The following MGAM variants were observed in gnomAD, a reference collection of about 807,000 sequenced individuals.
MGAM encodes alpha-1,4-glucosidase.
MGAM carries 253 observed loss-of-function variants against 358.8 expected under a neutral mutation model. That is an observed-to-expected ratio of 0.71 (90% CI 0.64 to 0.78). The LOEUF is 0.78. MGAM is among the 30% of genes least tolerant of loss of function. The pLI is 0.00. For synonymous variants in MGAM, 1,105 were observed against 1,227.1 expected (o/e 0.90, Z 2.08); for missense variants, 3,080 against 3,432.6 (o/e 0.90, Z 2.57).
chr7:142,043,723 TA>T (rs1281017271), intron 21 of MGAM, among the ~76,000 whole-genome samples: 5 of 131,282 alleles, frequency 3.8e-5, no homozygotes, highest in African/African-American at 1.1e-4. Context: ...ATGTAATATG[TA>T]ATATATAATA....
Position 142,021,673 on chromosome 7 carries a change from C to A in MGAM, c.646C>A (p.Gln216Lys). Residue 216 changes from glutamine (Q) to lysine (K), a missense_variant, in exon 6 of 71, where the codon CAA (glutamine) becomes AAA (lysine). By Grantham distance (53) the Gln-to-Lys change is moderately conservative. Transcript: ENST00000475668. The stretch of plus-strand genomic sequence containing the variant: ...AAATGCTGCTGCTTCTTTGACCTAC[C>A]AAGTTGAAATCTCCAGACAGCCATT... ...SGNAAASLTY[Q>K]VEISRQPFSI... 6.2e-7 allele frequency: 1 copy of A among 1,613,924 alleles called. No individual in the cohort carries two copies. The highest frequency in any genetic ancestry group is 8.5e-7 in the Non-Finnish European group (1 of 1,179,830).
At chr7:142,032,979 C>A (rs1209873773) in intron 14 of MGAM, 70 bp downstream of exon 14, 4 of 1,032,464 alleles carry the variant, frequency 3.9e-6, no homozygotes, top group South Asian at 3.5e-5. Context: ...AAGGACAGAT[C>A]TGAAAAATCT....
At chr7:142,099,554 A>T (rs555766441) in intron 66 of MGAM, 59 bp from the exon 67 acceptor site, 5 of 1,612,176 alleles carry the variant, frequency 3.1e-6, no homozygotes, top group Non-Finnish European at 3.4e-6. Context: ...GGCAGGATGC[A>T]TTGTTCAGGG....
chr7:142,034,280 T>G lies in MGAM; in HGVS notation c.1688T>G (p.Leu563Arg). 2.5e-6 allele frequency: 4 copies of G among 1,594,912 alleles called. No homozygotes were observed. The highest frequency in any genetic ancestry group is 3.4e-6 in the Non-Finnish European group (4 of 1,170,234). The change falls in exon 15 of 71, where the codon CTG (leucine) becomes CGG (arginine). Residue 563 changes from leucine (L) to arginine (R), a missense_variant. This residue lies in a region of MGAM where 1,816 missense variants were observed against 1,840.5 expected (regional missense o/e 0.99). Coordinates refer to ENST00000475668, the MANE Select transcript of MGAM (RefSeq NM_001365693.1). ...PFTPRILDGY[L>R]FCKTLCMDAV... ...GTTTCAGGAATCCTGGATGGGTACC[T>G]GTTCTGCAAGACTCTCTGTATGGAT...
intron 12 of MGAM, 35 bp downstream of exon 12, chr7:142,030,792 G>A (rs1554463277): frequency 1.5e-6 from 2 of 1,358,088 alleles, no homozygotes; most frequent in Non-Finnish European, 2.1e-6. Context: ...CTGGTGGAGG[G>A]GCTGCATAGG....
chr7:142,053,227 A>C lies in MGAM; in HGVS notation c.3159+243A>C, dbSNP rs75495372. On this transcript the variant is annotated intron_variant, in intron 26 of 70. Coordinates refer to ENST00000475668, the MANE Select transcript of MGAM (RefSeq NM_001365693.1). Reference sequence around the variant, plus strand: ...AGAGCAAGAGTAGGTACGGAGAGACAACTTGGGAGGCTACCAGTTAGGCAG... The same window carrying C: ...AGAGCAAGAGTAGGTACGGAGAGACCACTTGGGAGGCTACCAGTTAGGCAG... 3.6e-3 allele frequency among the ~76,000 whole-genome samples: 547 copies of C among 152,238 alleles called. 2 individuals are homozygous for C. Among genetic ancestry groups the C allele is most frequent in the African/African-American group, 0.013 (520 of 41,552 alleles).
chr7:142,093,165 A>G (rs10282125), intron 59 of MGAM, among the ~76,000 whole-genome samples: 10,852 of 146,532 alleles, frequency 0.074, 1,447 homozygotes, highest in South Asian at 0.18. Flanking sequence ...AGCCTGTCAT[A>G]TAGTGTTTGA....
Position 142,073,810 on chromosome 7 carries a change from A to G in MGAM, c.5187-275A>G, listed in dbSNP as rs946933667. Among the ~76,000 whole-genome samples, 2 of 146,116 alleles carry G rather than the reference A, an allele frequency of 1.4e-5. 1 individual carries two copies. Among genetic ancestry groups the G allele is most frequent in the Non-Finnish European group, 3.1e-5 (2 of 64,536 alleles). On this transcript the variant is annotated intron_variant, in intron 44 of 70. Transcript: ENST00000475668. ...TCTGTATTCCGAACAGTGGTTGCAG[A>G]AGCAGCTTTTATTTGAGCTATTGCA...
intron 46 of MGAM, 26 bp from the exon 47 acceptor site, chr7:142,076,633 C>CATAATTGG: frequency 6.7e-7 from 1 of 1,488,086 alleles, no homozygotes. Flanking sequence ...TACCTTTATG[C>CATAATTGG]ATAATTGGAG....
chr7:142,083,270 C>T (rs753757931), intron 52 of MGAM, 31 bp from the exon 53 acceptor site: 2 of 1,479,450 alleles, frequency 1.4e-6, no homozygotes, highest in East Asian at 4.7e-5. Context: ...GGAAAGTTTC[C>T]AGCTTGATTA....
chr7:141,989,420 A>G (rs1803847203), intron 2 of MGAM, among the ~76,000 whole-genome samples: 1 of 152,184 alleles, frequency 6.6e-6, no homozygotes, highest in African/African-American at 2.4e-5. Flanking sequence ...ACTCATGATC[A>G]TCCCTGATTT....
Position 142,044,307 on chromosome 7 carries a change from TA to T in MGAM, c.2498+3463del, listed in dbSNP as rs1456993030. 2.9e-5 allele frequency among the ~76,000 whole-genome samples: 4 copies of T among 138,358 alleles called. 1 individual carries two copies. The highest frequency in any genetic ancestry group is 1.6e-4 in the Admixed American group (2 of 12,270). The allele number at this position is 138,358 out of a possible 152,430, so 90.8% of individuals were successfully genotyped here. A position where few individuals can be genotyped will look rare whatever the true frequency, so the allele number is the denominator to read the frequency against. ...TACGACATATAATATATACTATATA[TA>T]ATATACACATACGATATATAATATA... On this transcript the variant is annotated intron_variant, in intron 21 of 70. Transcript: ENST00000475668.
At position 142,034,292 on chromosome 7, in the gene MGAM, C is replaced by G; in HGVS notation, c.1700C>G (p.Thr567Ser). The G allele has an allele frequency of 6.3e-7, 1 of 1,598,914 alleles. No individual in the cohort carries two copies. Among genetic ancestry groups the G allele is most frequent in the Non-Finnish European group, 8.5e-7 (1 of 1,172,494 alleles). Reference protein sequence around the residue: ...RILDGYLFCKTLCMDAVQHWG... With the variant: ...RILDGYLFCKSLCMDAVQHWG... The stretch of plus-strand genomic sequence containing the variant: ...CTGGATGGGTACCTGTTCTGCAAGA[C>G]TCTCTGTATGGATGCAGTGCAGCAC... Residue 567 changes from threonine to serine, a missense_variant, in exon 15 of 71, where the codon ACT (threonine) becomes AGT (serine). Transcript: ENST00000475668.
At chr7:142,088,672 A>G (rs1335516598) in intron 57 of MGAM, among the ~76,000 whole-genome samples, 1 of 139,800 alleles carries the variant, frequency 7.2e-6, no homozygotes, top group Non-Finnish European at 1.6e-5. Flanking sequence ...CTATCTATCT[A>G]TCTATCTATC....
intron 65 of MGAM, among the ~76,000 whole-genome samples, chr7:142,096,914 G>C (rs1815964451): frequency 7.3e-6 from 1 of 137,736 alleles, no homozygotes; most frequent in African/African-American, 2.7e-5. Flanking sequence ...CCAGTTAATT[G>C]CACCTTCCCA....
chr7:142,021,730 C>T lies in MGAM; in HGVS notation c.703C>T (p.Arg235Cys), dbSNP rs375177765. 55 of 1,613,712 alleles carry T rather than the reference C, an allele frequency of 3.4e-5. No individual in the cohort carries two copies. Among genetic ancestry groups the T allele is most frequent in the Non-Finnish European group, 4.2e-5 (49 of 1,179,790 alleles). Residue 235 changes from arginine (R) to cysteine (C), a missense_variant, in exon 6 of 71, where the codon CGT (arginine) becomes TGT (cysteine). Physicochemically the swap from Arg to Cys is radical, Grantham distance 180. Coordinates refer to ENST00000475668, the MANE Select transcript of MGAM (RefSeq NM_001365693.1). ...SIKVTRRSNN[R>C]VLFDSSIGPL... Reference sequence around the variant, plus strand: ...CAAAGTGACCAGAAGAAGCAACAATCGTGTTTTGTAAGTTTTGGAAACCTA... The same window carrying T: ...CAAAGTGACCAGAAGAAGCAACAATTGTGTTTTGTAAGTTTTGGAAACCTA...
chr7:142,046,140 T>TTA (rs1036182269), intron 21 of MGAM, among the ~76,000 whole-genome samples: 3 of 145,422 alleles, frequency 2.1e-5, no homozygotes, highest in South Asian at 2.1e-4. Flanking sequence ...TATTTATATA[T>TTA]TATATATATA....
At chr7:142,065,958 G>GTTTTTTTTTTTTTTTTTTTTTTTTT (rs1477940566) in intron 40 of MGAM, 127 bp downstream of exon 40, 1 of 742,240 alleles carries the variant, frequency 1.3e-6, no homozygotes, top group African/African-American at 2.2e-5. Context: ...TTTTTGTTTT[G>GTTTTTTTTTTTTTTTTTTTTTTTTT]TTTTGTTTTG....
Position 142,068,934 on chromosome 7 carries a change from G to A in MGAM, c.5061+231G>A, listed in dbSNP as rs769730598. The stretch of plus-strand genomic sequence containing the variant: ...ACATAAAGCATCTCACTCAGGGTCT[G>A]TTTTTTTGTGGGTGTTCTCTTTGTG... On this transcript the variant is annotated intron_variant, in intron 43 of 70. Coordinates refer to ENST00000475668, the MANE Select transcript of MGAM (RefSeq NM_001365693.1). 4.1e-5 allele frequency among the ~76,000 whole-genome samples: 6 copies of A among 146,096 alleles called. 2 individuals carry two copies. Among genetic ancestry groups the A allele is most frequent in the Admixed American group, 2.8e-4 (4 of 14,522 alleles).
Sources: gnomAD v4.1 joint callset for allele counts (sites outside exome capture counted in the v4.1 genomes callset) on GRCh38, gnomAD v4.1.1 for gene constraint, gnomAD v4.1.1 regional missense constraint, MANE v1.5 for transcripts, NCBI Gene and HGNC (gene_info 2026-07-23, HGNC 2026-07-21) for gene names.